The following PHLPP1 variants were observed in gnomAD, a reference collection of about 807,000 sequenced individuals.
PHLPP1 encodes the protein PH domain leucine-rich repeat-containing protein phosphatase 1.
In PHLPP1, 42 loss-of-function variants were observed where a neutral mutation model predicts 117.2. That is an observed-to-expected ratio of 0.36 (90% CI 0.28 to 0.46). The LOEUF is 0.46. Ranked by LOEUF, PHLPP1 falls within the 20% of genes least tolerant of loss-of-function variation. The pLI is 1.00. For missense variants in PHLPP1, 2,084 were observed against 2,241.9 expected (o/e 0.93, Z 1.42); for synonymous variants, 1,042 against 970.7 (o/e 1.07, Z -1.37).
At chr18:62,814,421 C>T (rs532265897) in intron 1 of PHLPP1, among the ~76,000 whole-genome samples, 2 of 152,322 alleles carry the variant, frequency 1.3e-5, no homozygotes, top group South Asian at 4.1e-4. Context: ...AGACCTCTTA[C>T]GGAGTCATTT....
rs1447030594 is a variant in PHLPP1 at position 62,975,576 on chromosome 18, G to A, written c.3935G>A (p.Cys1312Tyr). The A allele has an allele frequency of 3.1e-6, 5 of 1,613,958 alleles. No homozygotes were observed. In the South Asian group the frequency reaches 3.3e-5, roughly 11 times the overall value. The part of the protein sequence containing the change: ...LPLSRSYIMS[C>Y]EEELKRIKQH... The stretch of plus-strand genomic sequence containing the variant: ...CTGTCCAGATCTTACATCATGAGCT[G>A]TGAAGAAGAGCTGAAGAGGATTAAA... Residue 1312 changes from cysteine (C) to tyrosine (Y), a missense_variant, in exon 16 of 17, where the codon TGT becomes TAT. Around this residue, in one of 2 missense-constraint regions of PHLPP1, gnomAD observed 1,365 missense variants for 1,605.9 expected, o/e 0.85. Coordinates refer to ENST00000262719, the MANE Select transcript of PHLPP1 (RefSeq NM_194449.4).
intron 4 of PHLPP1, among the ~76,000 whole-genome samples, chr18:62,884,649 A>T (rs1318184290): frequency 6.6e-6 from 1 of 152,226 alleles, no homozygotes; most frequent in African/African-American, 2.4e-5. Flanking sequence ...GTGGGCTAGC[A>T]TGTGCCCCAC....
At chr18:62,937,201 T>C (rs1475362299) in intron 10 of PHLPP1, among the ~76,000 whole-genome samples, 2 of 152,234 alleles carry the variant, frequency 1.3e-5, no homozygotes, top group East Asian at 3.8e-4. Context: ...ATGAGTCAAA[T>C]GGACAGAATA....
chr18:62,822,282 T>TG (rs1914487149), intron 1 of PHLPP1, among the ~76,000 whole-genome samples: 1 of 129,202 alleles, frequency 7.7e-6, no homozygotes, highest in East Asian at 2.1e-4. Context: ...TTTTTTTTGT[T>TG]TTTGTTTTTT....
chr18:62,938,994 C>CTTTCTTTCTT (rs368316862), intron 10 of PHLPP1, among the ~76,000 whole-genome samples: 1 of 128,680 alleles, frequency 7.8e-6, no homozygotes. Flanking sequence ...TTCTTTCTTT[C>CTTTCTTTCTT]TTTTTTTTTT....
intron 13 of PHLPP1, among the ~76,000 whole-genome samples, chr18:62,962,713 A>C (rs1413555697): frequency 1.3e-5 from 2 of 152,240 alleles, no homozygotes; most frequent in Non-Finnish European, 2.9e-5. Context: ...GAGAGGTAAG[A>C]AATCTCCCAG....
intron 14 of PHLPP1, among the ~76,000 whole-genome samples, chr18:62,970,151 T>G (rs1422204243): frequency 6.6e-6 from 1 of 152,218 alleles, no homozygotes; most frequent in Non-Finnish European, 1.5e-5. Context: ...GAGTTTATAG[T>G]GTGATATTTA....
chr18:62,899,811 AAGT>A (rs1338242907), intron 6 of PHLPP1, among the ~76,000 whole-genome samples: 1 of 152,160 alleles, frequency 6.6e-6, no homozygotes. Flanking sequence ...CTGGGATGAA[AAGT>A]ACACACTACC....
At position 62,766,104 on chromosome 18, in the gene PHLPP1, A is replaced by ATATTATATATATATATAT. The variant is rs1289379653; in HGVS notation, c.1576+48845_1576+48846insTATTATATATATATATAT. On this transcript the variant is annotated intron_variant, in intron 1 of 16. Transcript: ENST00000262719. ...ATATATATATATATATATATATATA[A>ATATTATATATATATATAT]AATATATATATATTTGTACAGAAAA... Among the ~76,000 whole-genome samples, 21 of 40,970 alleles carry ATATTATATATATATATAT rather than the reference A, an allele frequency of 5.1e-4. No homozygotes were observed. In the South Asian group the frequency reaches 5.4e-3, roughly 11 times the overall value. 26.9% of individuals were successfully genotyped at this position (40,970 alleles called of 152,430 possible). A position where few individuals can be genotyped will look rare whatever the true frequency, so the allele number is the denominator to read the frequency against.
At position 62,716,198 on chromosome 18, in the gene PHLPP1, T is replaced by G; in HGVS notation, c.515T>G (p.Leu172Arg). The G allele has an allele frequency of 6.6e-7, 1 of 1,523,194 alleles. No individual in the cohort carries two copies. The highest frequency in any genetic ancestry group is 8.8e-7 in the Non-Finnish European group (1 of 1,141,196). The allele number at this position is 1,523,194 out of a possible 1,614,324, so 94.4% of individuals were successfully genotyped here. ...SASASLCTRS[L>R]DRKTLLLKHR... is the part of the protein sequence containing the mutation. ...TCGGCGTCGCTGTGCACCCGGAGCC[T>G]GGACAGGAAGACGCTGCTTCTGAAG... is the stretch of plus-strand genomic sequence containing the variant. The change falls in exon 1 of 17, where the codon CTG becomes CGG. Residue 172 changes from leucine to arginine, a missense_variant. Leu to Arg is a moderately radical substitution (Grantham distance 102). Coordinates refer to ENST00000262719, the MANE Select transcript of PHLPP1 (RefSeq NM_194449.4). This position sits in a 1 kb window ranked among gnomAD's most constrained non-coding sequence, Gnocchi z 5.7.
chr18:62,795,720 G>A (rs943852336), intron 1 of PHLPP1, among the ~76,000 whole-genome samples: 2 of 152,006 alleles, frequency 1.3e-5, no homozygotes, highest in African/African-American at 2.4e-5. Context: ...ATCCCTTAGC[G>A]CCTCCAATAT....
intron 14 of PHLPP1, among the ~76,000 whole-genome samples, chr18:62,966,046 A>G (rs1734611535): frequency 6.6e-6 from 1 of 152,182 alleles, no homozygotes; most frequent in South Asian, 2.1e-4. Context: ...GGATTGAGAT[A>G]GAAGCCAGGT....
intron 1 of PHLPP1, among the ~76,000 whole-genome samples, chr18:62,778,119 C>G (rs1410760798): frequency 6.6e-6 from 1 of 152,144 alleles, no homozygotes; most frequent in Non-Finnish European, 1.5e-5. Context: ...GCCATAACTT[C>G]TGTTATTATA....
intron 1 of PHLPP1, among the ~76,000 whole-genome samples, chr18:62,735,197 A>T (rs567275805): frequency 6.6e-6 from 1 of 151,976 alleles, no homozygotes; most frequent in South Asian, 2.1e-4. Context: ...GGTGCATGCC[A>T]CCTGTAATTT....
intron 4 of PHLPP1, among the ~76,000 whole-genome samples, chr18:62,878,620 G>A (rs1916102182): frequency 6.6e-6 from 1 of 152,188 alleles, no homozygotes. Flanking sequence ...ATATTTGACA[G>A]TGACCTCTGT....
chr18:62,857,035 A>G (rs1915516094), intron 3 of PHLPP1, among the ~76,000 whole-genome samples: 1 of 152,122 alleles, frequency 6.6e-6, no homozygotes, highest in Non-Finnish European at 1.5e-5. Context: ...TTTCTGAAGT[A>G]TATTAAGGGC....
chr18:62,971,376 C>G (rs1911043997), intron 14 of PHLPP1, among the ~76,000 whole-genome samples: 1 of 151,174 alleles, frequency 6.6e-6, no homozygotes, highest in Non-Finnish European at 1.5e-5. Flanking sequence ...TTTTTTTTCC[C>G]AGTCTTTTTT....
chr18:62,872,691 CA>C (rs1255997289), intron 4 of PHLPP1, among the ~76,000 whole-genome samples: 7 of 139,440 alleles, frequency 5.0e-5, no homozygotes, highest in Middle Eastern at 4.5e-3. Context: ...GACTCAGTCT[CA>C]AAAAAAAAAT....
intron 1 of PHLPP1, among the ~76,000 whole-genome samples, chr18:62,818,645 A>G (rs1914359138): frequency 6.6e-6 from 1 of 152,272 alleles, no homozygotes; most frequent in Non-Finnish European, 1.5e-5. Context: ...ATTGAGGTCA[A>G]AGGAAAAAGA....
Sources: gnomAD v4.1 joint callset for allele counts (sites outside exome capture counted in the v4.1 genomes callset) on GRCh38, gnomAD v4.1.1 for gene constraint, gnomAD v4.1.1 regional missense constraint, Gnocchi (gnomAD v3.1) non-coding constraint, MANE v1.5 for transcripts, NCBI Gene and HGNC (gene_info 2026-07-23, HGNC 2026-07-21) for gene names.